Variants in HDLBP observed in about 807,000 individuals in gnomAD.
The protein encoded by HDLBP is high density lipoprotein binding protein, also known as vigilin.
Under a neutral mutation model 137.3 loss-of-function variants are expected in HDLBP, and 30 were observed. The ratio of observed to expected loss-of-function variants is 0.22; its 90% confidence interval spans 0.16 to 0.30. HDLBP has a LOEUF of 0.30. HDLBP is among the 10% of genes least tolerant of loss of function. The probability of loss-of-function intolerance (pLI) is 1.00; values close to 1 mark genes in which losing one functional copy is unlikely to be tolerated. For missense variants in HDLBP, 1,119 were observed against 1,667.3 expected (o/e 0.67, Z 5.73); for synonymous variants, 606 against 596.0 (o/e 1.02, Z -0.24).
chr2:241,282,038 TA>T (rs368774270), intron 1 of HDLBP, among the ~76,000 whole-genome samples: 3 of 152,194 alleles, frequency 2.0e-5, no homozygotes, highest in Admixed American at 6.5e-5. Context: ...AAATTTACAT[TA>T]GGGGAAAAGA....
chr2:241,279,741 G>A (rs192924792), intron 1 of HDLBP, among the ~76,000 whole-genome samples: 2 of 152,286 alleles, frequency 1.3e-5, no homozygotes, highest in Admixed American at 6.5e-5. Context: ...AATACTCCAC[G>A]AGCGAACGAT....
In HDLBP at chr2:241,242,533, G is replaced by A. The variant is rs2071342582; in HGVS notation, c.2096C>T (p.Thr699Ile). The A allele has an allele frequency of 6.2e-7, 1 of 1,614,158 alleles. No individual in the cohort carries two copies. Among genetic ancestry groups the A allele is most frequent in the Non-Finnish European group, 8.5e-7 (1 of 1,180,030 alleles). Residue 699 changes from threonine to isoleucine, a missense_variant, in exon 17 of 28, where the codon ACC becomes ATC. Transcript: ENST00000310931. Reference sequence around the variant, plus strand: ...CGAGGAAGGGCCCCTGATAACAACGGTGTCGCTTCCTGAACCTTCCACGGG... The same window carrying A: ...CGAGGAAGGGCCCCTGATAACAACGATGTCGCTTCCTGAACCTTCCACGGG... ...HFPVEGSGSDTVVIRGPSSDV... is the reference protein window; with the variant it reads ...HFPVEGSGSDIVVIRGPSSDV...
chr2:241,256,461 G>C, intron 6 of HDLBP, 62 bp from the exon 7 acceptor site: 1 of 1,523,834 alleles, frequency 6.6e-7, no homozygotes, highest in South Asian at 1.2e-5. Context: ...GGACAGACAG[G>C]GCTTTTTAGA....
At chr2:241,232,551 C>T (rs573699961) in intron 24 of HDLBP, among the ~76,000 whole-genome samples, 2 of 152,322 alleles carry the variant, frequency 1.3e-5, no homozygotes, top group South Asian at 2.1e-4. Flanking sequence ...GTTGGGATTA[C>T]AGGCGTGAGC....
At chr2:241,279,517 G>C (rs914620106) in intron 1 of HDLBP, among the ~76,000 whole-genome samples, 2 of 152,142 alleles carry the variant, frequency 1.3e-5, no homozygotes, top group South Asian at 2.1e-4. Flanking sequence ...TGCTAGTGCC[G>C]GGGACAGACA....
At chr2:241,241,289 C>A (rs949954462) in intron 17 of HDLBP, among the ~76,000 whole-genome samples, 1 of 152,058 alleles carries the variant, frequency 6.6e-6, no homozygotes, top group Non-Finnish European at 1.5e-5. Flanking sequence ...AACAGTGGGC[C>A]GGGCGCAGTG....
At chr2:241,297,904 C>T (rs1003158742) in intron 1 of HDLBP, among the ~76,000 whole-genome samples, 5 of 151,488 alleles carry the variant, frequency 3.3e-5, no homozygotes, top group East Asian at 1.9e-4. Flanking sequence ...AAAAATTAGC[C>T]GGGCGTGGTG....
Position 241,272,212 on chromosome 2 carries a change from C to T in HDLBP, c.-102-3671G>A, listed in dbSNP as rs957405984. The T allele has an allele frequency of 9.2e-6, 9 of 983,402 alleles. No homozygotes were observed. Among genetic ancestry groups the T allele is most frequent in the Non-Finnish European group, 1.1e-5 (9 of 828,158 alleles). The allele number at this position is 983,402 out of a possible 1,614,324, so 60.9% of individuals were successfully genotyped here. ...CGGCAGGTGGAGGTGCTGCGGGGGC[C>T]CCGCCGCCCGGTCTGCGCCCAGACC... is the stretch of plus-strand genomic sequence containing the variant. On this transcript the variant is annotated intron_variant, in intron 1 of 27. Coordinates refer to ENST00000310931, the MANE Select transcript of HDLBP (RefSeq NM_005336.6). The surrounding 1 kb of genome is among the most constrained non-coding windows in gnomAD (Gnocchi z 5.6).
Position 241,229,695 on chromosome 2 carries a change from G to A in HDLBP, c.3721-8C>T. 1.2e-6 allele frequency: 2 copies of A among 1,613,962 alleles called. No individual in the cohort carries two copies. Among genetic ancestry groups the A allele is most frequent in the Non-Finnish European group, 1.7e-6 (2 of 1,179,846 alleles). On this transcript the variant is annotated splice_region_variant and splice_polypyrimidine_tract_variant and intron_variant, in intron 27 of 27. Coordinates refer to ENST00000310931, the MANE Select transcript of HDLBP (RefSeq NM_005336.6). ...GCTGCTCATGTCAGGAGCCTGTGCA[G>A]AGAGAGGACACGGCTTCAGGAGGGG...
intron 1 of HDLBP, among the ~76,000 whole-genome samples, chr2:241,296,326 A>G (rs1322571284): frequency 6.6e-6 from 1 of 152,174 alleles, no homozygotes; most frequent in Non-Finnish European, 1.5e-5. Context: ...TTTGATCCCT[A>G]CCTCACAACA....
chr2:241,256,088 A>T, intron 7 of HDLBP, 96 bp downstream of exon 7: 1 of 1,026,160 alleles, frequency 9.7e-7, no homozygotes, highest in Non-Finnish European at 1.5e-6. Context: ...AAGGACAAAA[A>T]GATAAGGGGC....
intron 3 of HDLBP, among the ~76,000 whole-genome samples, chr2:241,265,072 AT>A (rs2073547041): frequency 6.6e-6 from 1 of 152,242 alleles, no homozygotes; most frequent in South Asian, 2.1e-4. Context: ...ACCTGTGAGA[AT>A]TGCCTTTGAA....
intron 5 of HDLBP, among the ~76,000 whole-genome samples, chr2:241,260,436 C>T (rs920323884): frequency 6.6e-6 from 1 of 152,180 alleles, no homozygotes; most frequent in African/African-American, 2.4e-5. Context: ...TTCATAATGA[C>T]ACTAAAGAGA....
At chr2:241,280,243 A>G (rs921637206) in intron 1 of HDLBP, among the ~76,000 whole-genome samples, 4 of 152,146 alleles carry the variant, frequency 2.6e-5, no homozygotes, top group Admixed American at 2.0e-4. Context: ...ATTAGCACAA[A>G]CTAATTTTAT....
In HDLBP at chr2:241,272,719, G is replaced by A; in HGVS notation, c.-102-4178C>T. 1 of 421,952 alleles carries A rather than the reference G, an allele frequency of 2.4e-6. No homozygotes were observed. Among genetic ancestry groups the A allele is most frequent in the Non-Finnish European group, 2.7e-6 (1 of 366,668 alleles). The allele number at this position is 421,952 out of a possible 1,614,324, so 26.1% of individuals were successfully genotyped here. A position where few individuals can be genotyped will look rare whatever the true frequency, so the allele number is the denominator to read the frequency against. ...GCCCGGCAGCCCGCCCGCCCCGTCC[G>A]CCCGCCCGCCCAGGCCTCCCAGCCC... is the stretch of plus-strand genomic sequence containing the variant. On this transcript the variant is annotated intron_variant, in intron 1 of 27. Transcript: ENST00000310931. The surrounding 1 kb of genome is among the most constrained non-coding windows in gnomAD (Gnocchi z 5.6).
rs2069666580 is a variant in HDLBP, at chr2:241,230,936, G to C, written c.3297C>G (p.Asp1099Glu). 6.2e-7 allele frequency: 1 copy of C among 1,612,180 alleles called. No homozygotes were observed. Residue 1099 changes from aspartate (D) to glutamate (E), a missense_variant, in exon 25 of 28, where the codon GAC (aspartate) becomes GAG (glutamate). Asp to Glu is a conservative substitution (Grantham distance 45). This residue lies in a region of HDLBP where 618 missense variants were observed against 816.7 expected (regional missense o/e 0.76). Coordinates refer to ENST00000310931, the MANE Select transcript of HDLBP (RefSeq NM_005336.6). The surrounding 1 kb of genome is among the most constrained non-coding windows in gnomAD (Gnocchi z 5.0). ...PDKDDGNQPQDQITITGYEKN... is the reference protein window; with the variant it reads ...PDKDDGNQPQEQITITGYEKN... Reference sequence around the variant, plus strand: ...TTTCGTACCCTGTGATGGTAATTTGGTCCTGGGGCTAAAAAAGGAGAATGT... The same window carrying C: ...TTTCGTACCCTGTGATGGTAATTTGCTCCTGGGGCTAAAAAAGGAGAATGT...
At position 241,247,048 on chromosome 2, in the gene HDLBP, G is replaced by A. The variant is rs375283093; in HGVS notation, c.1818+8C>T. 2.7e-5 allele frequency: 43 copies of A among 1,605,778 alleles called. No homozygotes were observed. In the African/African-American group the frequency reaches 3.9e-4, roughly 14 times the overall value. ...AGAAGAAGCAAGATGCAGCGGACAA[G>A]TTATCACCTTTTTAATGTTTGCGCC... On this transcript the variant is annotated splice_region_variant and intron_variant, in intron 15 of 27. Transcript: ENST00000310931.
chr2:241,272,450 G>A lies in HDLBP; in HGVS notation c.-102-3909C>T. ...CCCCGGGAGGAGGCGGGGGAGCCCA[G>A]CTTGCAGCCAAGAGCGGCCCAGCGG... is the stretch of plus-strand genomic sequence containing the variant. On this transcript the variant is annotated intron_variant, in intron 1 of 27. Transcript: ENST00000310931. This position sits in a 1 kb window ranked among gnomAD's most constrained non-coding sequence, Gnocchi z 5.6. 1 of 984,744 alleles carries A rather than the reference G, an allele frequency of 1.0e-6. No individual in the cohort carries two copies. Among genetic ancestry groups the A allele is most frequent in the African/African-American group, 1.7e-5 (1 of 57,268 alleles). The allele number at this position is 984,744 out of a possible 1,614,324, so 61.0% of individuals were successfully genotyped here. A position where few individuals can be genotyped will look rare whatever the true frequency, so the allele number is the denominator to read the frequency against.
intron 1 of HDLBP, among the ~76,000 whole-genome samples, chr2:241,303,298 C>T (rs903511255): frequency 6.6e-6 from 1 of 152,206 alleles, no homozygotes; most frequent in African/African-American, 2.4e-5. Context: ...GCAGGGTCCT[C>T]TCTCACAGGA....
Sources: gnomAD v4.1 joint callset for allele counts (sites outside exome capture counted in the v4.1 genomes callset) on GRCh38, gnomAD v4.1.1 for gene constraint, gnomAD v4.1.1 regional missense constraint, Gnocchi (gnomAD v3.1) non-coding constraint, MANE v1.5 for transcripts, NCBI Gene and HGNC (gene_info 2026-07-23, HGNC 2026-07-21) for gene names.